Variants in MYO10 observed in about 807,000 individuals in gnomAD.
The protein encoded by MYO10 is unconventional myosin-X.
In MYO10, 133 loss-of-function variants were observed where a neutral mutation model predicts 257.3. The ratio of observed to expected loss-of-function variants is 0.52; its 90% CI spans 0.45 to 0.60. The LOEUF (loss-of-function observed/expected upper bound fraction) is 0.60. Among genes scored for constraint, MYO10 ranks in the 20% least tolerant of loss-of-function variants. The pLI, the probability that MYO10 is intolerant of heterozygous loss-of-function variation, is 0.00. For missense variants in MYO10, 2,399 were observed against 2,635.7 expected (o/e 0.91, Z 1.97); for synonymous variants, 1,104 against 1,028.6 (o/e 1.07, Z -1.40).
chr5:16,935,214 C>T lies in MYO10; in HGVS notation c.21+574G>A, dbSNP rs537756665. Among the ~76,000 whole-genome samples the T allele has an allele frequency of 1.9e-3, 290 of 152,244 alleles. 2 individuals carry two copies. The highest frequency in any genetic ancestry group is 3.7e-3 in the Non-Finnish European group (250 of 68,022). On this transcript the variant is annotated intron_variant, in intron 1 of 40. Coordinates refer to ENST00000513610, the MANE Select transcript of MYO10 (RefSeq NM_012334.3). The stretch of plus-strand genomic sequence containing the variant: ...TGGACACTCTACACAAATACATGAT[C>T]ATTTGATCCCAGGGTCTGGAGTTAT...
Position 16,761,980 on chromosome 5 carries a change from G to T in MYO10, c.1656+65C>A. 3 of 1,445,964 alleles carry T rather than the reference G, an allele frequency of 2.1e-6. No homozygotes were observed. The South Asian group carries it at 4.3e-5, about 21-fold the overall frequency. The allele number at this position is 1,445,964 out of a possible 1,614,324, so 89.6% of individuals were successfully genotyped here. ...CCCAATAAATTCATGATTGGCTTCT[G>T]AAACCACTGTTTTCTCTGAATACCA... On this transcript the variant is annotated intron_variant, in intron 16 of 40. Coordinates refer to ENST00000513610, the MANE Select transcript of MYO10 (RefSeq NM_012334.3).
chr5:16,722,113 C>A (rs1486062837), intron 19 of MYO10, among the ~76,000 whole-genome samples: 1 of 152,192 alleles, frequency 6.6e-6, no homozygotes, highest in Non-Finnish European at 1.5e-5. Flanking sequence ...CCTGATGGAT[C>A]TTTTAGGTGT....
intron 1 of MYO10, among the ~76,000 whole-genome samples, chr5:16,892,508 T>C (rs1222129600): frequency 6.6e-6 from 1 of 152,152 alleles, no homozygotes; most frequent in Non-Finnish European, 1.5e-5. Context: ...CTGGGCATGG[T>C]GGCATGCGCC....
At chr5:16,898,476 G>A (rs567933440) in intron 1 of MYO10, among the ~76,000 whole-genome samples, 9 of 148,602 alleles carry the variant, frequency 6.1e-5, no homozygotes, top group Non-Finnish European at 1.2e-4. Flanking sequence ...GCAGTGGCGT[G>A]ATCTCAGTTC....
intron 2 of MYO10, among the ~76,000 whole-genome samples, chr5:16,820,724 C>T (rs1742773430): frequency 6.6e-6 from 1 of 152,010 alleles, no homozygotes; most frequent in Non-Finnish European, 1.5e-5. Context: ...ATAATTTTTA[C>T]TTGTATTTAT....
At chr5:16,933,322 T>C (rs975391655) in intron 1 of MYO10, among the ~76,000 whole-genome samples, 8 of 152,298 alleles carry the variant, frequency 5.3e-5, no homozygotes, top group Admixed American at 5.2e-4. Context: ...AAAGAATTAC[T>C]CAGCAATGGT....
intron 1 of MYO10, among the ~76,000 whole-genome samples, chr5:16,909,092 G>A (rs1745588483): frequency 6.6e-6 from 1 of 152,160 alleles, no homozygotes; most frequent in East Asian, 1.9e-4. Context: ...AGGTTTAATG[G>A]ACTCACAGTT....
intron 1 of MYO10, among the ~76,000 whole-genome samples, chr5:16,887,576 T>C (rs1210706254): frequency 6.6e-6 from 1 of 152,218 alleles, no homozygotes; most frequent in Admixed American, 6.5e-5. Context: ...CTGAAATCTC[T>C]GCCTTCTGGG....
chr5:16,685,420 C>A (rs1737203727), intron 29 of MYO10, among the ~76,000 whole-genome samples: 1 of 152,032 alleles, frequency 6.6e-6, no homozygotes, highest in East Asian at 1.9e-4. Flanking sequence ...CTATGTTTCT[C>A]AGGTTGGTCT....
At chr5:16,810,613 G>A (rs1742407015) in intron 3 of MYO10, among the ~76,000 whole-genome samples, 1 of 152,078 alleles carries the variant, frequency 6.6e-6, no homozygotes, top group African/African-American at 2.4e-5. Flanking sequence ...GGACAACATA[G>A]CAAGATCCCA....
chr5:16,737,322 T>C (rs1739843032), intron 19 of MYO10, among the ~76,000 whole-genome samples: 1 of 152,222 alleles, frequency 6.6e-6, no homozygotes, highest in South Asian at 2.1e-4. Context: ...AGCTGTTTTA[T>C]CCTTTCAGAG....
intron 19 of MYO10, chr5:16,738,446 T>G (rs1739891015): frequency 1.0e-6 from 1 of 982,730 alleles, no homozygotes; most frequent in Non-Finnish European, 1.2e-6. Flanking sequence ...TTGGAAATGT[T>G]TAGCAGTGAG....
At chr5:16,878,939 T>A (rs1213055131) in intron 1 of MYO10, among the ~76,000 whole-genome samples, 4 of 147,992 alleles carry the variant, frequency 2.7e-5, no homozygotes, top group Admixed American at 2.0e-4. Flanking sequence ...GAATAACATA[T>A]CCATGTAACT....
chr5:16,769,339 C>A, intron 9 of MYO10, 136 bp from the exon 10 acceptor site: 1 of 1,026,170 alleles, frequency 9.7e-7, no homozygotes. Context: ...TAACCACTCA[C>A]TTGTTTTTTT....
intron 17 of MYO10, among the ~76,000 whole-genome samples, chr5:16,759,215 G>A (rs554832184): frequency 3.8e-4 from 58 of 152,270 alleles, no homozygotes; most frequent in South Asian, 8.3e-4. Flanking sequence ...GAGCCACCGC[G>A]CCCGCCCAGC....
chr5:16,779,427 C>A, intron 9 of MYO10, 118 bp downstream of exon 9: 1 of 601,000 alleles, frequency 1.7e-6, no homozygotes, highest in Non-Finnish European at 2.9e-6. Context: ...ACCCACTGGT[C>A]CAAATGGAAT....
At chr5:16,923,376 T>A (rs957000616) in intron 1 of MYO10, among the ~76,000 whole-genome samples, 10 of 151,654 alleles carry the variant, frequency 6.6e-5, no homozygotes, top group Admixed American at 6.6e-4. Context: ...AAGCTCCGCC[T>A]CCTGGGTTCA....
At position 16,930,517 on chromosome 5, in the gene MYO10, C is replaced by T. The variant is rs548430740; in HGVS notation, c.21+5271G>A. On this transcript the variant is annotated intron_variant, in intron 1 of 40. Coordinates refer to ENST00000513610, the MANE Select transcript of MYO10 (RefSeq NM_012334.3). ...AGAGAAAACAAATAAATGCAACGCA[C>T]CACAGGAAGCTACCTCAGAACAAAA... is the stretch of plus-strand genomic sequence containing the variant. 3.3e-3 allele frequency among the ~76,000 whole-genome samples: 510 copies of T among 152,244 alleles called. 1 individual carries two copies. The highest frequency in any genetic ancestry group is 4.9e-3 in the Non-Finnish European group (330 of 68,010).
At chr5:16,717,965 C>A (rs543768771) in intron 19 of MYO10, among the ~76,000 whole-genome samples, 2 of 152,176 alleles carry the variant, frequency 1.3e-5, no homozygotes, top group Non-Finnish European at 2.9e-5. Context: ...GAGGCACGAG[C>A]GGGAACCGGG....
Sources: gnomAD v4.1 joint callset for allele counts (sites outside exome capture counted in the v4.1 genomes callset) on GRCh38, gnomAD v4.1.1 for gene constraint, MANE v1.5 for transcripts, NCBI Gene and HGNC (gene_info 2026-07-23, HGNC 2026-07-21) for gene names.